The following GARNL3 variants were observed in gnomAD, a reference collection of about 807,000 sequenced individuals.
GARNL3 encodes the protein GTPase-activating Rap/Ran-GAP domain-like protein 3.
In GARNL3, 63 loss-of-function variants were observed where a neutral mutation model predicts 125.0. The ratio of observed to expected loss-of-function variants is 0.50; its 90% confidence interval spans 0.41 to 0.62. The LOEUF is 0.62. GARNL3 is among the 20% of genes least tolerant of loss of function. GARNL3 has a pLI of 0.00. For synonymous variants in GARNL3, 439 were observed against 457.5 expected, an observed-to-expected ratio of 0.96 and a Z score of 0.52; for missense variants, 994 against 1,244.0, an observed-to-expected ratio of 0.80 and a Z score of 3.02.
rs1829815664 is a variant in GARNL3, at chr9:127,340,679, G to A, written c.1135+928G>A. Among the ~76,000 whole-genome samples, 3 of 150,342 alleles carry A rather than the reference G, an allele frequency of 2.0e-5. No individual in the cohort carries two copies. In the Admixed American group the frequency reaches 2.0e-4, roughly 10 times the overall value. ...TCACTCTGTCCGTCCTGGTCACCTG[G>A]CCTCAAGGAAGCATTGACTGAGCCC... is the stretch of plus-strand genomic sequence containing the variant. On this transcript the variant is annotated intron_variant, in intron 13 of 27. Coordinates refer to ENST00000373387, the MANE Select transcript of GARNL3 (RefSeq NM_032293.5).
At chr9:127,323,846 C>T (rs1345502386) in intron 6 of GARNL3, among the ~76,000 whole-genome samples, 1 of 152,026 alleles carries the variant, frequency 6.6e-6, no homozygotes, top group African/African-American at 2.4e-5. Context: ...TGAGGAAGAT[C>T]AAAGTAAACC....
chr9:127,311,850 T>G (rs1301153092), intron 3 of GARNL3, 115 bp downstream of exon 3: 1 of 655,574 alleles, frequency 1.5e-6, no homozygotes, highest in African/African-American at 1.8e-5. Flanking sequence ...AACACTAACA[T>G]CAGGGCATTT....
At chr9:127,245,477 G>C (rs2063285789) in intron 2 of GARNL3, 1 of 152,286 alleles carries the variant, frequency 6.6e-6, no homozygotes, top group South Asian at 2.1e-4. Context: ...CTGGACTTGC[G>C]TGGCCTCACC....
intron 4 of GARNL3, 59 bp from the exon 5 acceptor site, chr9:127,318,004 C>T: frequency 3.0e-6 from 3 of 989,032 alleles, no homozygotes; most frequent in Non-Finnish European, 4.9e-6. Flanking sequence ...ACCCGAGAGG[C>T]TCTTTTGGAG....
intron 27 of GARNL3, among the ~76,000 whole-genome samples, chr9:127,391,533 A>AAAAAAAAAAAAAAAAAAAATATATATAT: frequency 1.5e-3 from 110 of 75,742 alleles, no homozygotes; most frequent in Non-Finnish European, 2.9e-3. Context: ...ACAAAAAAAA[A>AAAAAAAAAAAAAAAAAAAATATATATAT]ATATATATAT....
At chr9:127,388,786 A>G in intron 25 of GARNL3, 118 bp from the exon 26 acceptor site, 1 of 697,194 alleles carries the variant, frequency 1.4e-6, no homozygotes, top group South Asian at 1.7e-5. Context: ...GACATTACAG[A>G]TCAGTGTGTG....
At chr9:127,252,789 A>T (rs1435301123) in intron 2 of GARNL3, among the ~76,000 whole-genome samples, 1 of 152,244 alleles carries the variant, frequency 6.6e-6, no homozygotes, top group Non-Finnish European at 1.5e-5. Context: ...TTAAATATAC[A>T]GTGGGATGAA....
chr9:127,290,745 C>T (rs2064389799), intron 1 of GARNL3, among the ~76,000 whole-genome samples: 1 of 152,208 alleles, frequency 6.6e-6, no homozygotes, highest in Admixed American at 6.5e-5. Flanking sequence ...GGCGCTTTCT[C>T]CGATGGTAGT....
At chr9:127,227,611 AAAAAC>A (rs1204807287) in intron 1 of GARNL3, among the ~76,000 whole-genome samples, 1 of 151,540 alleles carries the variant, frequency 6.6e-6, no homozygotes, top group Non-Finnish European at 1.5e-5. Context: ...AAAAAAAACA[AAAAAC>A]AAAAAAAAAA....
chr9:127,269,915 A>G (rs1030443163), intron 1 of GARNL3, among the ~76,000 whole-genome samples: 6 of 151,380 alleles, frequency 4.0e-5, no homozygotes, highest in African/African-American at 1.2e-4. Flanking sequence ...AGTGCCTTTA[A>G]TGCACAGAAG....
chr9:127,379,758 A>G (rs892520714), intron 22 of GARNL3, among the ~76,000 whole-genome samples: 2 of 152,278 alleles, frequency 1.3e-5, no homozygotes, highest in Non-Finnish European at 2.9e-5. Flanking sequence ...TGAAAAATGC[A>G]TAGAAGAAAA....
In GARNL3 at chr9:127,355,301, C is replaced by A; in HGVS notation, c.1764C>A (p.Cys588Ter). 1 of 1,613,470 alleles carries A rather than the reference C, an allele frequency of 6.2e-7. No homozygotes were observed. Among genetic ancestry groups the A allele is most frequent in the Non-Finnish European group, 8.5e-7 (1 of 1,179,424 alleles). ...RENKLEKTKG[C>*]HLYAINTHHS... ...ATCATTTCTTTCTCCTCCCAGGCTG[C>A]CACCTGTATGCTATTAACACTCACC... Residue 588 changes from cysteine (C) to a stop codon, truncating the protein, a stop_gained, in exon 20 of 28, where the codon TGC becomes TGA. Transcript: ENST00000373387. LOFTEE classifies it high-confidence loss of function.
intron 2 of GARNL3, among the ~76,000 whole-genome samples, chr9:127,254,121 C>T (rs949583232): frequency 1.3e-5 from 2 of 152,086 alleles, no homozygotes; most frequent in African/African-American, 4.8e-5. Context: ...GTAACAAAAT[C>T]ACCTATTAAA....
At chr9:127,231,051 T>TATATATATATATA (rs756942109) in intron 1 of GARNL3, among the ~76,000 whole-genome samples, 3 of 58,052 alleles carry the variant, frequency 5.2e-5, no homozygotes, top group Non-Finnish European at 8.4e-5. Flanking sequence ...TATATATATA[T>TATATATATATATA]TTTTTTTTTT....
chr9:127,303,467 T>C (rs2064859760), intron 2 of GARNL3, among the ~76,000 whole-genome samples: 1 of 152,152 alleles, frequency 6.6e-6, no homozygotes, highest in Non-Finnish European at 1.5e-5. Context: ...AAGAAAAAGA[T>C]TTTAACCTTT....
At chr9:127,236,230 G>A (rs2063110198) in intron 1 of GARNL3, among the ~76,000 whole-genome samples, 2 of 152,324 alleles carry the variant, frequency 1.3e-5, no homozygotes, top group Admixed American at 1.3e-4. Context: ...ATGGCTTACT[G>A]TAAGGAGCAG....
At chr9:127,381,692 G>T (rs944568859) in intron 22 of GARNL3, among the ~76,000 whole-genome samples, 1 of 151,980 alleles carries the variant, frequency 6.6e-6, no homozygotes, top group African/African-American at 2.4e-5. Flanking sequence ...CGCCTCCCGG[G>T]TTCACACCAT....
chr9:127,329,709 A>G (rs965851566), intron 7 of GARNL3, among the ~76,000 whole-genome samples: 4 of 152,138 alleles, frequency 2.6e-5, no homozygotes, highest in African/African-American at 7.2e-5. Flanking sequence ...AGATTATGCC[A>G]TGATACTGGA....
chr9:127,301,357 A>G (rs1456845180), intron 2 of GARNL3, among the ~76,000 whole-genome samples: 1 of 152,148 alleles, frequency 6.6e-6, no homozygotes, highest in Non-Finnish European at 1.5e-5. Flanking sequence ...AACCTACAAT[A>G]TGCTACTTTG....
Sources: gnomAD v4.1 joint callset for allele counts (sites outside exome capture counted in the v4.1 genomes callset) on GRCh38, gnomAD v4.1.1 for gene constraint, MANE v1.5 for transcripts, NCBI Gene and HGNC (gene_info 2026-07-23, HGNC 2026-07-21) for gene names.